Variants in WDR35 observed in about 807,000 individuals in gnomAD.
WDR35 encodes the protein WD repeat domain 35.
Under a neutral mutation model 158.3 loss-of-function variants are expected in WDR35, and 118 were observed. The observed-to-expected ratio is 0.75, with a 90% CI of 0.64 to 0.87. The LOEUF (loss-of-function observed/expected upper bound fraction) is 0.87, where lower values mean the gene tolerates loss of function less well. Ranked by LOEUF, WDR35 falls within the 40% of genes least tolerant of loss-of-function variation. WDR35 has a pLI of 0.00. For synonymous variants in WDR35, 448 were observed against 476.1 expected (o/e 0.94, Z 0.77); for missense variants, 1,263 against 1,405.8 (o/e 0.90, Z 1.62).
At chr2:19,970,732 T>C (rs755604525) in intron 8 of WDR35, among the ~76,000 whole-genome samples, 65 of 152,200 alleles carry the variant, frequency 4.3e-4, no homozygotes, top group Non-Finnish European at 7.5e-4. Context: ...CTCCACAGCT[T>C]TGGCCTATAC....
Position 19,949,290 on chromosome 2 carries a change from G to T in WDR35, c.1471-1073C>A, listed in dbSNP as rs181803524. 5.4e-3 allele frequency among the ~76,000 whole-genome samples: 820 copies of T among 152,332 alleles called. 11 individuals are homozygous for T. Among genetic ancestry groups the T allele is most frequent in the African/African-American group, 0.018 (763 of 41,574 alleles). On this transcript the variant is annotated intron_variant, in intron 13 of 26. Coordinates refer to ENST00000281405, the MANE Select transcript of WDR35 (RefSeq NM_020779.4). Reference sequence around the variant, plus strand: ...TACTGGGAAGTGGGCCAGGAAGGAGGAGTAGTTGTGGCTATTTATACTTTA... The same window carrying T: ...TACTGGGAAGTGGGCCAGGAAGGAGTAGTAGTTGTGGCTATTTATACTTTA...
intron 10 of WDR35, among the ~76,000 whole-genome samples, chr2:19,964,043 T>A (rs951366819): frequency 6.6e-6 from 1 of 152,146 alleles, no homozygotes; most frequent in Non-Finnish European, 1.5e-5. Flanking sequence ...AGTAGTTGAC[T>A]TACAGCTATG....
At chr2:19,966,476 A>G (rs1286144460) in intron 10 of WDR35, among the ~76,000 whole-genome samples, 1 of 152,186 alleles carries the variant, frequency 6.6e-6, no homozygotes, top group African/African-American at 2.4e-5. Flanking sequence ...ATATTTCAGA[A>G]ACAAAAAGCT....
chr2:19,932,829 T>C (rs1470604935), intron 22 of WDR35, among the ~76,000 whole-genome samples: 1 of 152,114 alleles, frequency 6.6e-6, no homozygotes, highest in African/African-American at 2.4e-5. Flanking sequence ...CATTTAAAAA[T>C]TATTTTTATA....
intron 3 of WDR35, among the ~76,000 whole-genome samples, chr2:19,982,229 T>C (rs1002006440): frequency 6.6e-6 from 1 of 152,248 alleles, no homozygotes; most frequent in Non-Finnish European, 1.5e-5. Context: ...TAGTGTTTTC[T>C]GGGCATATTT....
chr2:19,913,446 TG>T lies in WDR35; in HGVS notation c.*111del. 1 of 1,386,614 alleles carries T rather than the reference TG, an allele frequency of 7.2e-7. No homozygotes were observed. The highest frequency in any genetic ancestry group is 1.0e-6 in the Non-Finnish European group (1 of 1,004,470). The allele number at this position is 1,386,614 out of a possible 1,614,324, so 85.9% of individuals were successfully genotyped here. ...TGTGCAAAAATTCAACTATAAATAA[TG>T]AGGCTGATTTTCATACAAAACTCAC... On this transcript the variant is annotated 3_prime_UTR_variant, in exon 27 of 27. Coordinates refer to ENST00000281405, the MANE Select transcript of WDR35 (RefSeq NM_020779.4).
intron 25 of WDR35, among the ~76,000 whole-genome samples, chr2:19,916,999 T>C (rs1670009934): frequency 6.6e-6 from 1 of 152,128 alleles, no homozygotes; most frequent in Admixed American, 6.5e-5. Context: ...CAGGACAGCA[T>C]TGGCTGGCAT....
chr2:19,930,260 A>G, intron 25 of WDR35, 136 bp downstream of exon 25: 1 of 1,321,258 alleles, frequency 7.6e-7, no homozygotes, highest in South Asian at 1.2e-5. Flanking sequence ...GGAATGCATA[A>G]GACTCAAACA....
At chr2:19,988,356 A>G (rs183548768) in intron 2 of WDR35, among the ~76,000 whole-genome samples, 8 of 152,336 alleles carry the variant, frequency 5.3e-5, no homozygotes, top group African/African-American at 1.4e-4. Context: ...TTCACTAGAA[A>G]TGGAAATTCT....
At chr2:19,948,906 T>G (rs1339155789) in intron 13 of WDR35, among the ~76,000 whole-genome samples, 1 of 150,520 alleles carries the variant, frequency 6.6e-6, no homozygotes, top group African/African-American at 2.5e-5. Flanking sequence ...AGTGCAAGAC[T>G]CTGTCTCAAA....
At chr2:19,941,502 TAAG>T (rs1202383128) in intron 17 of WDR35, among the ~76,000 whole-genome samples, 2 of 152,200 alleles carry the variant, frequency 1.3e-5, no homozygotes, top group Non-Finnish European at 2.9e-5. Flanking sequence ...AACAATCCTA[TAAG>T]TAGTATTATT....
intron 22 of WDR35, 81 bp downstream of exon 22, chr2:19,933,320 C>G: frequency 8.8e-7 from 1 of 1,131,800 alleles, no homozygotes. Context: ...TTTAAAAGAT[C>G]ACTAGGGTGA....
At position 19,932,372 on chromosome 2, in the gene WDR35, G is replaced by T. The variant is rs760149109; in HGVS notation, c.2734C>A (p.His912Asn). The T allele has an allele frequency of 6.2e-7, 1 of 1,613,258 alleles. No individual in the cohort carries two copies. Residue 912 changes from histidine (H) to asparagine (N), a missense_variant, in exon 23 of 27, where the codon CAT becomes AAT. His to Asn is a moderately conservative substitution (Grantham distance 68). Transcript: ENST00000281405. The stretch of plus-strand genomic sequence containing the variant: ...AGAGTTTTATTCTTTTCCAGTAAAT[G>T]AGATGCATACCTAGCTAACAGAGAT... ...IGSLLARYASHLLEKNKTLDA... is the reference protein window; with the variant it reads ...IGSLLARYASNLLEKNKTLDA...
chr2:19,979,022 A>G, intron 4 of WDR35, 143 bp from the exon 5 acceptor site: 1 of 1,035,862 alleles, frequency 9.7e-7, no homozygotes, highest in East Asian at 2.6e-5. Flanking sequence ...AAACTATAAA[A>G]CTTCCAAATC....
intron 13 of WDR35, among the ~76,000 whole-genome samples, chr2:19,949,276 G>A (rs1671158447): frequency 6.6e-6 from 1 of 152,198 alleles, no homozygotes; most frequent in African/African-American, 2.4e-5. Flanking sequence ...ACTGGGAAGT[G>A]GGCCAGGAAG....
At chr2:19,966,983 C>T in intron 9 of WDR35, 74 bp from the exon 10 acceptor site, 1 of 1,444,152 alleles carries the variant, frequency 6.9e-7, no homozygotes. Context: ...GAAGGCAAAT[C>T]ACATTATTTT....
At chr2:19,937,722 G>A in intron 19 of WDR35, 21 bp downstream of exon 19, 2 of 1,613,946 alleles carry the variant, frequency 1.2e-6, no homozygotes, top group Non-Finnish European at 1.7e-6. Flanking sequence ...ACTCAGGGAT[G>A]CCTGCGCCTT....
At chr2:19,957,453 G>GT (rs1476855538) in intron 11 of WDR35, among the ~76,000 whole-genome samples, 1 of 151,946 alleles carries the variant, frequency 6.6e-6, no homozygotes, top group Non-Finnish European at 1.5e-5. Context: ...CAGATACAAT[G>GT]TTTTAGGACA....
In WDR35 at chr2:19,910,822, A is replaced by T. The variant is rs1669808828; in HGVS notation, c.*2736T>A. 2 of 152,212 alleles carry T rather than the reference A, an allele frequency of 1.3e-5. No individual in the cohort carries two copies. Among genetic ancestry groups the T allele is most frequent in the South Asian group, 4.1e-4 (2 of 4,826 alleles). The allele number at this position is 152,212 out of a possible 1,614,324, so 9.4% of individuals were successfully genotyped here. Reference sequence around the variant, plus strand: ...GTTTTCTCTAGTACCATTTACACAGAAGACAAAGGTCCCCAAGACATTATG... The same window carrying T: ...GTTTTCTCTAGTACCATTTACACAGTAGACAAAGGTCCCCAAGACATTATG... On this transcript the variant is annotated 3_prime_UTR_variant, in exon 27 of 27. Transcript: ENST00000281405.
Sources: allele counts gnomAD v4.1 joint callset (sites outside exome capture counted in the v4.1 genomes callset), GRCh38; gene constraint gnomAD v4.1.1; transcripts MANE v1.5; gene names NCBI Gene and HGNC (gene_info 2026-07-23, HGNC 2026-07-21).